The following CHFR variants were observed in gnomAD, a reference collection of about 807,000 sequenced individuals.
CHFR encodes checkpoint with forkhead and ring finger domains.
A neutral mutation model predicts 87.6 loss-of-function variants in CHFR; 57 were observed. The observed-to-expected ratio is 0.65, with a 90% CI of 0.53 to 0.81. The LOEUF is 0.81. Among genes scored for constraint, CHFR ranks in the 30% least tolerant of loss-of-function variants. The pLI is 0.00. For synonymous variants in CHFR, 381 were observed against 359.2 expected (o/e 1.06, Z -0.69); for missense variants, 797 against 865.8 (o/e 0.92, Z 1.00).
At chr12:132,842,832 G>A (rs2306544) in intron 17 of CHFR, among the ~76,000 whole-genome samples, 179 bp downstream of exon 17, 22,852 of 152,232 alleles carry the variant, frequency 0.15, 2,249 homozygotes, top group Admixed American at 0.21. Flanking sequence ...AGTGGAAGAC[G>A]GAGATAAAAC....
At chr12:132,885,366 G>A (rs962617303) in intron 2 of CHFR, among the ~76,000 whole-genome samples, 20 of 138,962 alleles carry the variant, frequency 1.4e-4, no homozygotes, top group African/African-American at 4.8e-4. Flanking sequence ...GGCCGAGATC[G>A]CGCCACTGCA....
chr12:132,869,532 C>T (rs1326318042), intron 6 of CHFR, 87 bp downstream of exon 6: 3 of 1,283,956 alleles, frequency 2.3e-6, no homozygotes, highest in African/African-American at 1.5e-5. Context: ...TCCTCAGTCG[C>T]TTATCTGCCT....
chr12:132,861,500 C>T lies in CHFR; in HGVS notation c.718G>A (p.Asp240Asn). The part of the protein sequence containing the change: ...FSSLEPQDQE[D>N]LEPVKKKMRG... ...ATTTTCTTCTTCACGGGCTCCAAATCCTCCTGATCCTGGGGTTCCAACGAC... is the reference window on the plus strand; with the variant it reads ...ATTTTCTTCTTCACGGGCTCCAAATTCTCCTGATCCTGGGGTTCCAACGAC... The change falls in exon 7 of 18, where the codon GAT (aspartate) becomes AAT (asparagine). Residue 240 changes from aspartate (D) to asparagine (N), a missense_variant. Transcript: ENST00000450056. The T allele has an allele frequency of 6.2e-7, 1 of 1,614,232 alleles. No individual in the cohort carries two copies. Among genetic ancestry groups the T allele is most frequent in the Non-Finnish European group, 8.5e-7 (1 of 1,180,036 alleles).
At chr12:132,869,857 G>A (rs1005945820) in intron 5 of CHFR, 59 bp from the exon 6 acceptor site, 4 of 1,536,578 alleles carry the variant, frequency 2.6e-6, no homozygotes, top group South Asian at 2.4e-5. Flanking sequence ...AGGAGCAGAA[G>A]CAGCACACAA....
intron 6 of CHFR, chr12:132,861,964 T>C (rs1593483477): frequency 3.7e-6 from 1 of 269,368 alleles, no homozygotes; most frequent in East Asian, 7.6e-5. Flanking sequence ...ACACACTGTG[T>C]CATAAACTTG....
chr12:132,869,299 C>T (rs1215070106), intron 6 of CHFR, among the ~76,000 whole-genome samples: 1 of 152,016 alleles, frequency 6.6e-6, no homozygotes. Flanking sequence ...CTTTTCGTGT[C>T]AATGAGTGGT....
At position 132,887,243 on chromosome 12, in the gene CHFR, G is replaced by T; in HGVS notation, c.86C>A (p.Pro29Gln). ...CTCCCGCTTCCTCAGGAGGACGTGC[G>T]GCTCGCCCTCCTCCGCGCCCAGACG... is the stretch of plus-strand genomic sequence containing the variant. ...LLRLGAEEGE[P>Q]HVLLRKREWT... is the part of the protein sequence containing the mutation. The change falls in exon 2 of 18, where the codon CCG becomes CAG. Residue 29 changes from proline (P) to glutamine (Q), a missense_variant. By Grantham distance (76) the Pro-to-Gln change is moderately conservative. Transcript: ENST00000450056. 6.6e-7 allele frequency: 1 copy of T among 1,504,050 alleles called. No homozygotes were observed. 93.2% of individuals were successfully genotyped at this position (1,504,050 alleles called of 1,614,324 possible).
At chr12:132,842,634 G>A (rs1950725544) in intron 17 of CHFR, among the ~76,000 whole-genome samples, 1 of 152,282 alleles carries the variant, frequency 6.6e-6, no homozygotes, top group African/African-American at 2.4e-5. Context: ...GGGTGACGAT[G>A]TGACAGCAAT....
intron 17 of CHFR, among the ~76,000 whole-genome samples, chr12:132,842,132 G>T (rs12579395): frequency 0.15 from 21,971 of 148,152 alleles, 2,155 homozygotes; most frequent in Admixed American, 0.21. Flanking sequence ...AAAAAAAGAA[G>T]TGCAAACATC....
chr12:132,851,809 C>T (rs1299695774), intron 11 of CHFR, 72 bp from the exon 12 acceptor site: 58 of 1,522,802 alleles, frequency 3.8e-5, no homozygotes, highest in African/African-American at 6.9e-5. Context: ...GAGAGGCCGC[C>T]GGGAAGCACA....
chr12:132,876,830 C>T (rs1176872675), intron 3 of CHFR, among the ~76,000 whole-genome samples: 6 of 152,156 alleles, frequency 3.9e-5, no homozygotes, highest in Admixed American at 6.6e-5. Flanking sequence ...GAGTTTCACT[C>T]GTTTCCCAGG....
rs981347138 is a variant in CHFR, at chr12:132,836,496, G to A, written c.*5058C>T. 1 of 346,790 alleles carries A rather than the reference G, an allele frequency of 2.9e-6. No individual in the cohort carries two copies. Among genetic ancestry groups the A allele is most frequent in the Non-Finnish European group, 5.4e-6 (1 of 185,630 alleles). 21.5% of individuals were successfully genotyped at this position (346,790 alleles called of 1,614,324 possible). ...GGGCGCACGGCACTCACAGTGACAG[G>A]CTCCCAGCACGGCGCACGGCACTCA... On this transcript the variant is annotated 3_prime_UTR_variant, in exon 18 of 18. Transcript: ENST00000450056.
At chr12:132,843,963 A>C in intron 16 of CHFR, 64 bp downstream of exon 16, 1 of 961,342 alleles carries the variant, frequency 1.0e-6, no homozygotes. Flanking sequence ...AAAAAAAGAG[A>C]GGCAGAAGCC....
intron 2 of CHFR, among the ~76,000 whole-genome samples, chr12:132,881,050 T>G (rs1203737490): frequency 6.6e-6 from 1 of 151,920 alleles, no homozygotes; most frequent in Non-Finnish European, 1.5e-5. Flanking sequence ...GCGGATCACT[T>G]CAGACCAGGA....
chr12:132,839,624 A>C lies in CHFR; in HGVS notation c.*1930T>G. 2 of 119,828 alleles carry C rather than the reference A, an allele frequency of 1.7e-5. No individual in the cohort carries two copies. Among genetic ancestry groups the C allele is most frequent in the Non-Finnish European group, 1.6e-5 (1 of 61,290 alleles). The allele number at this position is 119,828 out of a possible 1,614,324, so 7.4% of individuals were successfully genotyped here. ...CTCGGCCTCACCCCTGCACTTAGGGACCTCCCCTCTCAGCCTCGCCTCTGC... is the reference window on the plus strand; with the variant it reads ...CTCGGCCTCACCCCTGCACTTAGGGCCCTCCCCTCTCAGCCTCGCCTCTGC... On this transcript the variant is annotated 3_prime_UTR_variant, in exon 18 of 18. Transcript: ENST00000450056.
At position 132,869,675 on chromosome 12, in the gene CHFR, G is replaced by A; in HGVS notation, c.527C>T (p.Ala176Val). 6.4e-7 allele frequency: 1 copy of A among 1,551,718 alleles called. No homozygotes were observed. The highest frequency in any genetic ancestry group is 2.0e-5 in the Admixed American group (1 of 51,000). ...AGAAGGCTCCGTGGAAGAGGCCGAG[G>A]CTGTGGGGAAGAGGTCTGACGTCGA... ...STSTSDLFPT[A>V]SASSTEPSPA... is the part of the protein sequence containing the mutation. Residue 176 changes from alanine to valine, a missense_variant, in exon 6 of 18, where the codon GCC (alanine) becomes GTC (valine). Physicochemically the swap from Ala to Val is moderately conservative, Grantham distance 64. Around this residue, in one of 2 missense-constraint regions of CHFR, gnomAD observed 597 missense variants for 601.2 expected, o/e 0.99. Transcript: ENST00000450056.
At chr12:132,859,504 C>T (rs1239375476) in intron 7 of CHFR, among the ~76,000 whole-genome samples, 3 of 152,112 alleles carry the variant, frequency 2.0e-5, no homozygotes, top group African/African-American at 7.2e-5. Context: ...GTGCCCACCA[C>T]CACGCCCGGC....
chr12:132,846,799 G>A (rs1950839906), intron 15 of CHFR, among the ~76,000 whole-genome samples: 1 of 152,148 alleles, frequency 6.6e-6, no homozygotes, highest in Non-Finnish European at 1.5e-5. Context: ...AGAATCGCTT[G>A]AACCCAGGAG....
chr12:132,844,258 G>A, intron 15 of CHFR, 124 bp from the exon 16 acceptor site: 1 of 643,552 alleles, frequency 1.6e-6, no homozygotes. Flanking sequence ...CGACACATTA[G>A]GAAAATAAGA....
Sources: gnomAD v4.1 joint callset for allele counts (sites outside exome capture counted in the v4.1 genomes callset) on GRCh38, gnomAD v4.1.1 for gene constraint, gnomAD v4.1.1 regional missense constraint, MANE v1.5 for transcripts, NCBI Gene and HGNC (gene_info 2026-07-23, HGNC 2026-07-21) for gene names.